Variants in SLC26A3 observed in about 807,000 individuals in gnomAD.
SLC26A3 encodes the protein solute carrier family 26 member 3.
A neutral mutation model predicts 85.6 loss-of-function variants in SLC26A3; 64 were observed. The ratio of observed to expected loss-of-function variants is 0.75; its 90% CI spans 0.61 to 0.92. SLC26A3 has a LOEUF of 0.92. Ranked by LOEUF, SLC26A3 falls within the 40% of genes least tolerant of loss-of-function variation. The pLI, the probability that SLC26A3 is intolerant of heterozygous loss-of-function variation, is 0.00. For missense variants in SLC26A3, 922 were observed against 927.3 expected, an observed-to-expected ratio of 0.99 and a Z score of 0.07; for synonymous variants, 349 against 336.0, an observed-to-expected ratio of 1.04 and a Z score of -0.42.
intron 2 of SLC26A3, among the ~76,000 whole-genome samples, 195 bp downstream of exon 2, chr7:107,794,184 T>C (rs1794455415): frequency 6.6e-6 from 1 of 152,198 alleles, no homozygotes; most frequent in Non-Finnish European, 1.5e-5. Context: ...AAGACCGTGT[T>C]GATAAGCCGA....
rs780734912 is a variant in SLC26A3 at position 107,772,113 on chromosome 7, TAAAAA to T, written c.2008-10_2008-6del. On this transcript the variant is annotated splice_region_variant and splice_polypyrimidine_tract_variant and intron_variant, in intron 17 of 20. Coordinates refer to ENST00000340010, the MANE Select transcript of SLC26A3 (RefSeq NM_000111.3). ...CCTGATAAATTCTTGCAAAATCTGT[TAAAAA>T]GAAAAGTATATCTTCCTTAGGGAAC... 2 of 1,582,474 alleles carry T rather than the reference TAAAAA, an allele frequency of 1.3e-6. No homozygotes were observed. Among genetic ancestry groups the T allele is most frequent in the East Asian group, 2.2e-5 (1 of 44,694 alleles).
At chr7:107,797,183 G>C (rs1794520565) in intron 1 of SLC26A3, among the ~76,000 whole-genome samples, 1 of 152,130 alleles carries the variant, frequency 6.6e-6, no homozygotes. Flanking sequence ...GCTCAGGGTA[G>C]GAATCAGGGG....
rs372157278 is a variant in SLC26A3 at position 107,776,535 on chromosome 7, G to A, written c.1594C>T (p.Pro532Ser). 1.4e-5 allele frequency: 23 copies of A among 1,613,540 alleles called. No homozygotes were observed. The African/African-American group carries it at 2.9e-4, about 21-fold the overall frequency. Reference protein sequence around the residue: ...NKKDYYDMYEPEGVKIFRCPS... With the variant: ...NKKDYYDMYESEGVKIFRCPS... The stretch of plus-strand genomic sequence containing the variant: ...CATCTGAAAATTTTCACTCCTTCTG[G>A]CTCATACATCTGTAAGGCAGAGAAG... The change falls in exon 15 of 21, where the codon CCA (proline) becomes TCA (serine). Residue 532 changes from proline to serine, a missense_variant. Physicochemically the swap from Pro to Ser is moderately conservative, Grantham distance 74. Transcript: ENST00000340010.
chr7:107,800,006 C>T (rs2158837), intron 1 of SLC26A3, among the ~76,000 whole-genome samples: 27,193 of 152,142 alleles, frequency 0.18, 2,835 homozygotes, highest in South Asian at 0.26. Flanking sequence ...TCTAGCTATC[C>T]GAGCTTCCTA....
chr7:107,767,461 C>G, intron 20 of SLC26A3, 118 bp downstream of exon 20: 1 of 766,934 alleles, frequency 1.3e-6, no homozygotes, highest in Non-Finnish European at 2.3e-6. Context: ...AGGGATGAGG[C>G]ACAGAGGCTC....
At chr7:107,774,481 G>T (rs753224916) in intron 16 of SLC26A3, among the ~76,000 whole-genome samples, 15 of 152,186 alleles carry the variant, frequency 9.9e-5, no homozygotes, top group Non-Finnish European at 2.1e-4. Context: ...TTGAGTCTGG[G>T]AGGTCAAGGC....
intron 14 of SLC26A3, 42 bp from the exon 15 acceptor site, chr7:107,776,586 C>G (rs891117202): frequency 1.2e-6 from 2 of 1,606,556 alleles, no homozygotes; most frequent in Admixed American, 3.3e-5. Flanking sequence ...CCCATTAGAT[C>G]CATAGTTAAT....
chr7:107,791,440 C>T (rs1794400473), intron 4 of SLC26A3, among the ~76,000 whole-genome samples: 2 of 152,008 alleles, frequency 1.3e-5, no homozygotes, highest in South Asian at 2.1e-4. Context: ...GGAGAAGCCT[C>T]GTCTCTACCA....
chr7:107,767,863 TCAC>T lies in SLC26A3; in HGVS notation c.2105_2107del (p.Gly702del). On this transcript the variant is annotated inframe_deletion, in exon 19 of 21. Coordinates refer to ENST00000340010, the MANE Select transcript of SLC26A3 (RefSeq NM_000111.3). Reference sequence around the variant, plus strand: ...TAAGAAAAATATTGAGCTTTTCACTTCACCATCAAAAAATTCATACCGGTTAAG... The same window carrying T: ...TAAGAAAAATATTGAGCTTTTCACTTCATCAAAAAATTCATACCGGTTAAG... 2 of 1,613,668 alleles carry T rather than the reference TCAC, an allele frequency of 1.2e-6. No individual in the cohort carries two copies. The highest frequency in any genetic ancestry group is 1.1e-5 in the South Asian group (1 of 91,068).
intron 18 of SLC26A3, among the ~76,000 whole-genome samples, chr7:107,770,194 G>GTT: frequency 1.1e-3 from 1 of 884 alleles, no homozygotes; most frequent in African/African-American, 3.0e-3. Context: ...AAAAAAAAAG[G>GTT]GGTTTTTTTT....
At chr7:107,791,625 AAAATAAAT>A (rs3076033) in intron 4 of SLC26A3, among the ~76,000 whole-genome samples, 197 bp downstream of exon 4, 112 of 149,458 alleles carry the variant, frequency 7.5e-4, no homozygotes, top group African/African-American at 2.0e-3. Flanking sequence ...AAAATAAATA[AAAATAAAT>A]AAATAAATAA....
chr7:107,785,156 T>C (rs2115851281), intron 8 of SLC26A3, among the ~76,000 whole-genome samples: 1 of 152,356 alleles, frequency 6.6e-6, no homozygotes, highest in East Asian at 1.9e-4. Context: ...TTATTGTAAG[T>C]CAGGCACTTA....
chr7:107,799,472 A>C (rs1195720149), intron 1 of SLC26A3, among the ~76,000 whole-genome samples: 1 of 151,390 alleles, frequency 6.6e-6, no homozygotes, highest in African/African-American at 2.4e-5. Context: ...TTCACTGCAA[A>C]CTCCACCTTC....
chr7:107,777,889 C>T (rs1018707897), intron 13 of SLC26A3, among the ~76,000 whole-genome samples: 2 of 152,196 alleles, frequency 1.3e-5, no homozygotes, highest in African/African-American at 4.8e-5. Flanking sequence ...TGGTTTATAG[C>T]TGGGCGAATA....
intron 13 of SLC26A3, among the ~76,000 whole-genome samples, chr7:107,777,921 T>A (rs1316969129): frequency 6.6e-6 from 1 of 152,226 alleles, no homozygotes; most frequent in Non-Finnish European, 1.5e-5. Flanking sequence ...TTATATGATT[T>A]ATTTGAACTG....
Position 107,767,566 on chromosome 7 carries a change from T to G in SLC26A3, c.2271+13A>C, listed in dbSNP as rs1293383573. On this transcript the variant is annotated intron_variant, in intron 20 of 20. Coordinates refer to ENST00000340010, the MANE Select transcript of SLC26A3 (RefSeq NM_000111.3). Reference sequence around the variant, plus strand: ...GATGTCTAGGTGAAGATAAACCTGTTGAAGAATCTTACCTCATATACCCGA... The same window carrying G: ...GATGTCTAGGTGAAGATAAACCTGTGGAAGAATCTTACCTCATATACCCGA... 3 of 1,590,968 alleles carry G rather than the reference T, an allele frequency of 1.9e-6. No individual in the cohort carries two copies. In the African/African-American group the frequency reaches 4.0e-5, roughly 21 times the overall value.
chr7:107,774,052 C>A lies in SLC26A3; in HGVS notation c.1875G>T (p.Leu625=). 1 of 1,614,112 alleles carries A rather than the reference C, an allele frequency of 6.2e-7. No homozygotes were observed. Among genetic ancestry groups the A allele is most frequent in the South Asian group, 1.1e-5 (1 of 91,082 alleles). ...VLDQPINTTD[L]PFHIDWNDDL... ...CATCATTCCAGTCAATGTGGAAAGGCAGGTCTGTGGTATTGATTGGCTGGT... is the reference window on the plus strand; with the variant it reads ...CATCATTCCAGTCAATGTGGAAAGGAAGGTCTGTGGTATTGATTGGCTGGT... Residue 625 remains leucine (L), a synonymous_variant, in exon 17 of 21, where the codon CTG becomes CTT. Transcript: ENST00000340010.
At chr7:107,800,711 T>C (rs1398389255) in intron 1 of SLC26A3, among the ~76,000 whole-genome samples, 1 of 132,920 alleles carries the variant, frequency 7.5e-6, no homozygotes, top group East Asian at 2.0e-4. Context: ...ATAAATGACG[T>C]AGACCTAAAC....
intron 1 of SLC26A3, among the ~76,000 whole-genome samples, chr7:107,797,739 C>CATTTTTTTTTTTTTTTTTTTTTTTTT (rs781396459): frequency 1.4e-5 from 1 of 70,536 alleles, no homozygotes; most frequent in African/African-American, 8.3e-5. Flanking sequence ...TTGAGCAGGA[C>CATTTTTTTTTTTTTTTTTTTTTTTTT]CTTTTTTTTT....
Sources: allele counts gnomAD v4.1 joint callset (sites outside exome capture counted in the v4.1 genomes callset), GRCh38; gene constraint gnomAD v4.1.1; transcripts MANE v1.5; gene names NCBI Gene and HGNC (gene_info 2026-07-23, HGNC 2026-07-21).